Variants in SUGCT observed in about 807,000 individuals in gnomAD.
SUGCT encodes succinyl-CoA:glutarate-CoA transferase.
In SUGCT, 41 loss-of-function variants were observed where a neutral mutation model predicts 55.0. That is an observed-to-expected ratio of 0.74 (90% confidence interval 0.58 to 0.97). SUGCT has a LOEUF of 0.97. Among genes scored for constraint, SUGCT ranks in the 50% least tolerant of loss-of-function variants. The probability of loss-of-function intolerance (pLI) is 0.00; values close to 1 mark genes in which losing one functional copy is unlikely to be tolerated. For synonymous variants in SUGCT, 187 were observed against 200.4 expected (o/e 0.93, Z 0.56); for missense variants, 568 against 547.8 (o/e 1.04, Z -0.37).
At chr7:40,836,174 C>T (rs559066269) in intron 13 of SUGCT, among the ~76,000 whole-genome samples, 20 of 152,046 alleles carry the variant, frequency 1.3e-4, no homozygotes, top group Non-Finnish European at 2.4e-4. Context: ...TCTGGTATTA[C>T]AGATGTGAGC....
chr7:40,597,124 C>T (rs1798049863), intron 12 of SUGCT, among the ~76,000 whole-genome samples: 1 of 152,156 alleles, frequency 6.6e-6, no homozygotes, highest in Non-Finnish European at 1.5e-5. Flanking sequence ...GAACTTATAT[C>T]TTTTTGTTAT....
At chr7:41,009,208 T>TAAAA in the SUGCT span, among the ~76,000 whole-genome samples, 1 of 103,322 alleles carries the variant, frequency 9.7e-6, no homozygotes, top group Non-Finnish European at 1.9e-5. Context: ...TGTCTCTCTC[T>TAAAA]AAAAAAAAAA....
intron 6 of SUGCT, among the ~76,000 whole-genome samples, chr7:40,215,580 A>C (rs1324659933): frequency 1.3e-5 from 2 of 152,200 alleles, no homozygotes; most frequent in African/African-American, 4.8e-5. Flanking sequence ...TTAAGAGATT[A>C]GGCCGGGCAT....
At chr7:40,192,630 C>CTTTCTT (rs1554286452) in intron 5 of SUGCT, among the ~76,000 whole-genome samples, 3 of 134,786 alleles carry the variant, frequency 2.2e-5, no homozygotes, top group African/African-American at 8.4e-5. Flanking sequence ...TTCTTTCTTT[C>CTTTCTT]TTTTTTTTTT....
At chr7:40,420,862 G>A (rs1041992172) in intron 9 of SUGCT, among the ~76,000 whole-genome samples, 7 of 152,096 alleles carry the variant, frequency 4.6e-5, no homozygotes, top group South Asian at 2.1e-4. Flanking sequence ...GAAGCTGGAA[G>A]CAGAGCATTG....
intron 13 of SUGCT, among the ~76,000 whole-genome samples, chr7:40,786,020 A>G (rs1053428385): frequency 1.3e-5 from 2 of 152,154 alleles, no homozygotes; most frequent in Non-Finnish European, 2.9e-5. Flanking sequence ...GATTGCTTGA[A>G]CCCAGGGATC....
chr7:40,191,062 G>C (rs1562565181), intron 5 of SUGCT, among the ~76,000 whole-genome samples: 2 of 152,168 alleles, frequency 1.3e-5, no homozygotes, highest in South Asian at 2.1e-4. Flanking sequence ...TGTCACCCAG[G>C]CTGGAGTGCA....
chr7:40,193,546 A>G (rs944656843), intron 5 of SUGCT, among the ~76,000 whole-genome samples: 6 of 151,466 alleles, frequency 4.0e-5, no homozygotes, highest in Non-Finnish European at 7.4e-5. Context: ...AGGCCCCCCA[A>G]AGTGCTGGGA....
Position 40,629,635 on chromosome 7 carries a change from G to T in SUGCT, c.1090-119799G>T, listed in dbSNP as rs558018862. On this transcript the variant is annotated intron_variant, in intron 12 of 13. Coordinates refer to ENST00000335693, the MANE Select transcript of SUGCT (RefSeq NM_001193313.2). ...TGTGAGTAACTGAGATGGGAATAAA[G>T]TTAATTTATTTGAGAAGGGGCCAGG... 4.6e-5 allele frequency among the ~76,000 whole-genome samples: 7 copies of T among 152,228 alleles called. No individual in the cohort carries two copies. The East Asian group carries it at 1.3e-3, about 29-fold the overall frequency.
chr7:40,648,080 T>C (rs972214711), intron 12 of SUGCT, among the ~76,000 whole-genome samples: 1 of 152,060 alleles, frequency 6.6e-6, no homozygotes, highest in Non-Finnish European at 1.5e-5. Flanking sequence ...ACTACAAAAG[T>C]CTAGAAAAGC....
At chr7:40,147,323 C>G (rs961483003) in intron 1 of SUGCT, among the ~76,000 whole-genome samples, 1 of 152,176 alleles carries the variant, frequency 6.6e-6, no homozygotes, top group Non-Finnish European at 1.5e-5. Context: ...TCAACCCCCC[C>G]ATCATGGGGA....
chr7:40,543,218 G>A (rs17171727), intron 12 of SUGCT, among the ~76,000 whole-genome samples: 31,611 of 152,052 alleles, frequency 0.21, 5,697 homozygotes, highest in African/African-American at 0.49. Context: ...AGCACCTGCT[G>A]TAGGAAGCAG....
At chr7:40,852,888 C>T (rs1348802959) in intron 13 of SUGCT, among the ~76,000 whole-genome samples, 3 of 151,868 alleles carry the variant, frequency 2.0e-5, no homozygotes, top group Non-Finnish European at 4.4e-5. Context: ...TCATTGTTTG[C>T]CTCCCACATC....
chr7:40,964,707 T>C, the SUGCT span: 1 of 152,226 alleles, frequency 6.6e-6, no homozygotes. Flanking sequence ...TTTATTGATA[T>C]GCTGGGAGTA....
intron 9 of SUGCT, among the ~76,000 whole-genome samples, chr7:40,381,387 C>T (rs1175063920): frequency 3.3e-5 from 5 of 152,026 alleles, no homozygotes; most frequent in Non-Finnish European, 7.4e-5. Context: ...GCCCATGTCT[C>T]ACAGTACGTT....
At chr7:41,007,699 C>A in the SUGCT span, among the ~76,000 whole-genome samples, 1 of 149,856 alleles carries the variant, frequency 6.7e-6, no homozygotes, top group Non-Finnish European at 1.5e-5. Flanking sequence ...CACAAATATG[C>A]AAAAAACAAG....
the SUGCT span, among the ~76,000 whole-genome samples, chr7:40,989,931 C>T: frequency 6.6e-6 from 1 of 152,190 alleles, no homozygotes; most frequent in African/African-American, 2.4e-5. Flanking sequence ...AAGTCTTGAA[C>T]CCCTCAAAGT....
chr7:40,546,220 C>T (rs1337658360), intron 12 of SUGCT, among the ~76,000 whole-genome samples: 1 of 152,154 alleles, frequency 6.6e-6, no homozygotes, highest in Non-Finnish European at 1.5e-5. Flanking sequence ...ATACTGGAAC[C>T]TCACTTTAAC....
At chr7:40,894,831 A>G in the SUGCT span, among the ~76,000 whole-genome samples, 1 of 152,202 alleles carries the variant, frequency 6.6e-6, no homozygotes, top group Non-Finnish European at 1.5e-5. Context: ...GTGAGGTTTC[A>G]GAGAAGAGGG....
Sources: gnomAD v4.1 joint callset for allele counts (sites outside exome capture counted in the v4.1 genomes callset) on GRCh38, gnomAD v4.1.1 for gene constraint, MANE v1.5 for transcripts, NCBI Gene and HGNC (gene_info 2026-07-23, HGNC 2026-07-21) for gene names.